Variants in UGGT1 observed in about 807,000 individuals in gnomAD.
UGGT1 encodes the protein UDP-glucose:glycoprotein glucosyltransferase 1.
In UGGT1, 107 loss-of-function variants were observed where a neutral mutation model predicts 203.9. That is an observed-to-expected ratio of 0.52 (90% confidence interval 0.45 to 0.62). The LOEUF (loss-of-function observed/expected upper bound fraction) is 0.62. UGGT1 is among the 20% of genes least tolerant of loss of function. UGGT1 has a pLI of 0.00. For synonymous variants in UGGT1, 628 were observed against 653.5 expected, an observed-to-expected ratio of 0.96 and a Z score of 0.59; for missense variants, 1,673 against 1,867.2, an observed-to-expected ratio of 0.90 and a Z score of 1.92.
In UGGT1 at chr2:128,152,752, TC is replaced by T. The variant is rs756905008; in HGVS notation, c.2017-26del. The stretch of plus-strand genomic sequence containing the variant: ...ATTATTGCTAAAATTTGCTTTACCC[TC>T]CCCCCTCAACCTCCTTTTTTTTTCT... On this transcript the variant is annotated intron_variant, in intron 18 of 40. Transcript: ENST00000259253. 10 of 1,575,286 alleles carry T rather than the reference TC, an allele frequency of 6.3e-6. No individual in the cohort carries two copies. The South Asian group carries it at 9.5e-5, about 15-fold the overall frequency.
chr2:128,131,402 A>G (rs541247512), intron 13 of UGGT1, among the ~76,000 whole-genome samples: 13 of 152,276 alleles, frequency 8.5e-5, no homozygotes, highest in East Asian at 1.9e-4. Context: ...CAGGAATGCA[A>G]TCATAGCTCA....
chr2:128,131,233 C>CA lies in UGGT1; in HGVS notation c.1378-1882dup, dbSNP rs59665322. Among the ~76,000 whole-genome samples, 562 of 78,476 alleles carry CA rather than the reference C, an allele frequency of 7.2e-3. 4 individuals are homozygous for CA. Among genetic ancestry groups the CA allele is most frequent in the African/African-American group, 0.023 (451 of 19,292 alleles). 51.5% of individuals were successfully genotyped at this position (78,476 alleles called of 152,430 possible). On this transcript the variant is annotated intron_variant, in intron 13 of 40. Transcript: ENST00000259253. ...GGGCGACAGAGTGAGACTCTTGTCT[C>CA]AAAAAAAAAAAAAAAAAAAAAAAAA...
In UGGT1 at chr2:128,189,748, G is replaced by T; in HGVS notation, c.*6G>T. The T allele has an allele frequency of 1.9e-6, 3 of 1,612,930 alleles. No homozygotes were observed. The highest frequency in any genetic ancestry group is 2.5e-6 in the Non-Finnish European group (3 of 1,179,302). Reference sequence around the variant, plus strand: ...AGAAACGTGAAGAATTATGATCTCTGGAGAAGGACAGGAAATCACCCCATT... The same window carrying T: ...AGAAACGTGAAGAATTATGATCTCTTGAGAAGGACAGGAAATCACCCCATT... On this transcript the variant is annotated 3_prime_UTR_variant, in exon 41 of 41. Coordinates refer to ENST00000259253, the MANE Select transcript of UGGT1 (RefSeq NM_020120.4).
At position 128,123,240 on chromosome 2, in the gene UGGT1, T is replaced by A; in HGVS notation, c.1128T>A (p.Asn376Lys). Residue 376 changes from asparagine (N) to lysine (K), a missense_variant, in exon 11 of 41, where the codon AAT becomes AAA. This residue lies in a region of UGGT1 where 1,073 missense variants were observed against 1,078.7 expected (regional missense o/e 0.99). Coordinates refer to ENST00000259253, the MANE Select transcript of UGGT1 (RefSeq NM_020120.4). ...SSELRTEVEE[N>K]QKYFKGTLGL... ...AACTTAGAACCGAAGTGGAAGAGAA[T>A]CAGAAGGTATTCACCGATAGAAAAT... 1 of 1,613,256 alleles carries A rather than the reference T, an allele frequency of 6.2e-7. No homozygotes were observed. Among genetic ancestry groups the A allele is most frequent in the Non-Finnish European group, 8.5e-7 (1 of 1,179,472 alleles).
intron 10 of UGGT1, 110 bp from the exon 11 acceptor site, chr2:128,123,072 CCATT>C (rs1158289418): frequency 8.6e-6 from 6 of 694,386 alleles, no homozygotes; most frequent in African/African-American, 5.5e-5. Context: ...AAGGTTTTTC[CCATT>C]CAGTTTTTTC....
intron 18 of UGGT1, 92 bp downstream of exon 18, chr2:128,146,059 A>G (rs979221987): frequency 1.4e-6 from 2 of 1,480,408 alleles, no homozygotes; most frequent in Admixed American, 2.0e-5. Context: ...TCTTAGTATC[A>G]CTATTTGGGA....
chr2:128,116,943 G>T (rs1688129956), intron 8 of UGGT1, among the ~76,000 whole-genome samples: 1 of 152,104 alleles, frequency 6.6e-6, no homozygotes, highest in Admixed American at 6.5e-5. Context: ...CATAAGAGGA[G>T]AAATTGAATT....
chr2:128,116,681 C>T (rs1449700176), intron 8 of UGGT1, among the ~76,000 whole-genome samples: 2 of 152,114 alleles, frequency 1.3e-5, no homozygotes, highest in African/African-American at 4.8e-5. Context: ...TGCACCACCA[C>T]ACCCGGCTAA....
chr2:128,179,886 A>C lies in UGGT1; in HGVS notation c.3900+16A>C, dbSNP rs1260355189. On this transcript the variant is annotated intron_variant, in intron 35 of 40. Coordinates refer to ENST00000259253, the MANE Select transcript of UGGT1 (RefSeq NM_020120.4). ...CACATTTAAGGTTTGTTTCACAGAGAAAGGGAAAACATTCTTATTAAGGAG... is the reference window on the plus strand; with the variant it reads ...CACATTTAAGGTTTGTTTCACAGAGCAAGGGAAAACATTCTTATTAAGGAG... 1 of 1,599,592 alleles carries C rather than the reference A, an allele frequency of 6.3e-7. No homozygotes were observed. Among genetic ancestry groups the C allele is most frequent in the Non-Finnish European group, 8.6e-7 (1 of 1,167,510 alleles).
chr2:128,158,604 A>G (rs1359584657), intron 22 of UGGT1, among the ~76,000 whole-genome samples: 1 of 152,182 alleles, frequency 6.6e-6, no homozygotes, highest in Non-Finnish European at 1.5e-5. Context: ...TTATTTGTTT[A>G]AGCTATTTGA....
Position 128,152,825 on chromosome 2 carries a change from G to A in UGGT1, c.2058G>A (p.Met686Ile), listed in dbSNP as rs370863486. Reference sequence around the variant, plus strand: ...ATCAAGATGTGGTAGAGTATATCATGAATCAGCCAAATGTTGTTCCACGAA... The same window carrying A: ...ATCAAGATGTGGTAGAGTATATCATAAATCAGCCAAATGTTGTTCCACGAA... Reference protein sequence around the residue: ...PHDQDVVEYIMNQPNVVPRIN... With the variant: ...PHDQDVVEYIINQPNVVPRIN... Residue 686 changes from methionine to isoleucine, a missense_variant, in exon 19 of 41, where the codon ATG (methionine) becomes ATA (isoleucine). Coordinates refer to ENST00000259253, the MANE Select transcript of UGGT1 (RefSeq NM_020120.4). 6.8e-6 allele frequency: 11 copies of A among 1,613,606 alleles called. No individual in the cohort carries two copies. The Admixed American group carries it at 1.2e-4, about 17-fold the overall frequency.
intron 25 of UGGT1, 96 bp downstream of exon 25, chr2:128,161,364 C>T: frequency 1.4e-6 from 2 of 1,399,190 alleles, no homozygotes; most frequent in Non-Finnish European, 1.9e-6. Flanking sequence ...ACTACATATC[C>T]CAAGGAGTTT....
At chr2:128,126,517 C>T (rs924723462) in intron 11 of UGGT1, among the ~76,000 whole-genome samples, 2 of 152,076 alleles carry the variant, frequency 1.3e-5, no homozygotes, top group Admixed American at 6.6e-5. Context: ...GCTGGGATTA[C>T]AGGCATGAGC....
intron 19 of UGGT1, 143 bp downstream of exon 19, chr2:128,153,047 C>G: frequency 8.8e-7 from 1 of 1,138,092 alleles, no homozygotes; most frequent in Non-Finnish European, 1.2e-6. Context: ...TATGTGTAAA[C>G]TCTTTGCACC....
intron 2 of UGGT1, among the ~76,000 whole-genome samples, chr2:128,098,894 T>A (rs1001126431): frequency 2.0e-5 from 3 of 152,230 alleles, no homozygotes; most frequent in African/African-American, 7.2e-5. Context: ...CTAGTGTTTG[T>A]AAATAAATAT....
At chr2:128,145,525 TA>T (rs1558791462) in intron 17 of UGGT1, 1 of 59,114 alleles carries the variant, frequency 1.7e-5, no homozygotes, top group Non-Finnish European at 3.3e-5. Context: ...CACACACACA[TA>T]CACAAACACA....
In UGGT1 at chr2:128,123,222, A is replaced by G; in HGVS notation, c.1110A>G (p.Arg370=). 6.2e-7 allele frequency: 1 copy of G among 1,613,692 alleles called. No individual in the cohort carries two copies. Among genetic ancestry groups the G allele is most frequent in the Non-Finnish European group, 8.5e-7 (1 of 1,179,742 alleles). ...AAACAGCTGTGAGCTCAGAACTTAG[A>G]ACCGAAGTGGAAGAGAATCAGAAGG... ...ITKTAVSSEL[R]TEVEENQKYF... is the part of the protein sequence containing the mutation. The change falls in exon 11 of 41, where the codon AGA becomes AGG. Residue 370 remains arginine (R), a synonymous_variant. Coordinates refer to ENST00000259253, the MANE Select transcript of UGGT1 (RefSeq NM_020120.4).
chr2:128,179,266 C>G (rs534806565), intron 34 of UGGT1, among the ~76,000 whole-genome samples: 6 of 152,092 alleles, frequency 3.9e-5, no homozygotes, highest in Non-Finnish European at 7.4e-5. Context: ...TAATAACAAC[C>G]GAATTTGGTT....
chr2:128,123,041 AT>A, intron 10 of UGGT1, 144 bp from the exon 11 acceptor site: 1 of 550,790 alleles, frequency 1.8e-6, no homozygotes, highest in Non-Finnish European at 3.1e-6. Context: ...GGAGAAATAT[AT>A]TTATCAATTA....
Sources: allele counts gnomAD v4.1 joint callset (sites outside exome capture counted in the v4.1 genomes callset), GRCh38; gene constraint gnomAD v4.1.1; regional missense constraint gnomAD v4.1.1; transcripts MANE v1.5; gene names NCBI Gene and HGNC (gene_info 2026-07-23, HGNC 2026-07-21).